The following CDH13 variants were observed in gnomAD, a reference collection of about 807,000 sequenced individuals.
CDH13 encodes cadherin 13.
In CDH13, 24 loss-of-function variants were observed where a neutral mutation model predicts 63.8. The ratio of observed to expected loss-of-function variants is 0.38; its 90% CI spans 0.27 to 0.53. The LOEUF is 0.53. CDH13 is among the 20% of genes least tolerant of loss of function. The probability of loss-of-function intolerance (pLI) is 0.85; values close to 1 mark genes in which losing one functional copy is unlikely to be tolerated. For missense variants in CDH13, 1,049 were observed against 903.1 expected (o/e 1.16, Z -2.07); for synonymous variants, 503 against 355.3 (o/e 1.42, Z -4.67).
At chr16:83,097,422 T>A (rs527242917) in intron 3 of CDH13, among the ~76,000 whole-genome samples, 1 of 152,220 alleles carries the variant, frequency 6.6e-6, no homozygotes. Context: ...AATAAAACTT[T>A]GTAATTGGTA....
chr16:83,106,062 G>C (rs1423501652), intron 3 of CDH13, among the ~76,000 whole-genome samples: 1 of 152,166 alleles, frequency 6.6e-6, no homozygotes, highest in African/African-American at 2.4e-5. Context: ...CCACTGGTGG[G>C]TTATTTGTCA....
intron 3 of CDH13, among the ~76,000 whole-genome samples, chr16:83,095,757 G>A (rs995286608): frequency 6.6e-6 from 1 of 152,128 alleles, no homozygotes; most frequent in Non-Finnish European, 1.5e-5. Context: ...AGTTTTTAAT[G>A]AGCAGTATGT....
intron 1 of CDH13, among the ~76,000 whole-genome samples, chr16:82,800,154 C>G (rs1012529381): frequency 6.6e-6 from 1 of 152,086 alleles, no homozygotes; most frequent in Non-Finnish European, 1.5e-5. Flanking sequence ...TTAAAGGTTA[C>G]TTTTCCTTTA....
chr16:82,955,774 G>A lies in CDH13; in HGVS notation c.158-76236G>A, dbSNP rs551138848. Among the ~76,000 whole-genome samples the A allele has an allele frequency of 1.2e-4, 18 of 152,272 alleles. No individual in the cohort carries two copies. The Middle Eastern group carries it at 0.017, about 144-fold the overall frequency. On this transcript the variant is annotated intron_variant, in intron 2 of 13. Coordinates refer to ENST00000567109, the MANE Select transcript of CDH13 (RefSeq NM_001257.5). ...TCATTGCAAGCAGCTACTGCATTCCGATTATTCACCCTGAATCTAAGGCAA... is the reference window on the plus strand; with the variant it reads ...TCATTGCAAGCAGCTACTGCATTCCAATTATTCACCCTGAATCTAAGGCAA...
At chr16:83,742,815 A>G (rs937218612) in intron 10 of CDH13, among the ~76,000 whole-genome samples, 2 of 152,180 alleles carry the variant, frequency 1.3e-5, no homozygotes, top group Non-Finnish European at 2.9e-5. Context: ...CTCTGTCTGC[A>G]GGTGTGTTTC....
chr16:83,644,340 T>C (rs916573539), intron 8 of CDH13, among the ~76,000 whole-genome samples: 2 of 152,238 alleles, frequency 1.3e-5, no homozygotes, highest in African/African-American at 2.4e-5. Context: ...GTTTTATAGA[T>C]GTCCCACCAT....
intron 2 of CDH13, among the ~76,000 whole-genome samples, chr16:83,026,944 A>G (rs149776495): frequency 0.011 from 1,639 of 152,250 alleles, 25 homozygotes; most frequent in African/African-American, 0.034. Flanking sequence ...CTAAATGGAT[A>G]CACACGGGGT....
intron 1 of CDH13, among the ~76,000 whole-genome samples, chr16:82,833,020 A>G (rs1360088786): frequency 1.3e-5 from 2 of 152,194 alleles, no homozygotes; most frequent in African/African-American, 4.8e-5. Flanking sequence ...AAAATATGCC[A>G]CAAAATTCCC....
intron 1 of CDH13, among the ~76,000 whole-genome samples, chr16:82,793,917 T>G (rs940569819): frequency 2.6e-5 from 4 of 151,940 alleles, no homozygotes; most frequent in African/African-American, 4.8e-5. Context: ...TGGATTTAAG[T>G]AAGTGAGACA....
At chr16:83,055,597 T>C (rs1013905444) in intron 3 of CDH13, among the ~76,000 whole-genome samples, 5 of 152,046 alleles carry the variant, frequency 3.3e-5, no homozygotes, top group Non-Finnish European at 7.4e-5. Context: ...GTTCTACATT[T>C]ATTAAATGAA....
At chr16:82,643,800 T>C (rs1325546783) in intron 1 of CDH13, among the ~76,000 whole-genome samples, 1 of 152,130 alleles carries the variant, frequency 6.6e-6, no homozygotes, top group East Asian at 1.9e-4. Context: ...TGGATTGCAG[T>C]GGTGCAATCA....
intron 6 of CDH13, among the ~76,000 whole-genome samples, chr16:83,350,217 G>C (rs991924848): frequency 6.6e-6 from 1 of 152,124 alleles, no homozygotes; most frequent in Admixed American, 6.5e-5. Context: ...GGTTGTGTTC[G>C]CTCTCCTGGC....
intron 2 of CDH13, among the ~76,000 whole-genome samples, chr16:82,867,975 A>G (rs1416779305): frequency 1.3e-5 from 2 of 152,228 alleles, no homozygotes; most frequent in South Asian, 2.1e-4. Context: ...AAAAATAACA[A>G]TGATAATTCT....
Position 82,904,878 on chromosome 16 carries a change from A to G in CDH13, c.157+46405A>G, listed in dbSNP as rs1263685239. On this transcript the variant is annotated intron_variant, in intron 2 of 13. Coordinates refer to ENST00000567109, the MANE Select transcript of CDH13 (RefSeq NM_001257.5). ...AACTAAATGAACCTAGGTTTGTCCC[A>G]TGGAGTGCAGTTTCTCCCTAAATGA... Among the ~76,000 whole-genome samples, 6 of 150,638 alleles carry G rather than the reference A, an allele frequency of 4.0e-5. No individual in the cohort carries two copies. In the South Asian group the frequency reaches 6.2e-4, roughly 16 times the overall value.
At position 83,006,904 on chromosome 16, in the gene CDH13, TTTTG is replaced by T. The variant is rs977914662; in HGVS notation, c.158-25078_158-25075del. ...CTTCAAAACACCCAGTTTTGATTTT[TTTTG>T]TTTGTTTGTTTGTTTGTTTGTTTGT... On this transcript the variant is annotated intron_variant, in intron 2 of 13. Coordinates refer to ENST00000567109, the MANE Select transcript of CDH13 (RefSeq NM_001257.5). Among the ~76,000 whole-genome samples, 160 of 142,130 alleles carry T rather than the reference TTTTG, an allele frequency of 1.1e-3. 5 individuals carry two copies. Among genetic ancestry groups the T allele is most frequent in the South Asian group, 4.2e-3 (19 of 4,540 alleles). 93.2% of individuals were successfully genotyped at this position (142,130 alleles called of 152,430 possible).
chr16:83,104,738 G>T (rs953824796), intron 3 of CDH13, among the ~76,000 whole-genome samples: 5 of 152,130 alleles, frequency 3.3e-5, no homozygotes, highest in African/African-American at 1.2e-4. Context: ...TTGAACAAAG[G>T]GGGCAATTGA....
At chr16:83,173,050 C>G (rs1272000311) in intron 4 of CDH13, among the ~76,000 whole-genome samples, 4 of 152,098 alleles carry the variant, frequency 2.6e-5, no homozygotes, top group African/African-American at 9.7e-5. Flanking sequence ...AGGTACTTGG[C>G]ACTAATGTGA....
chr16:83,661,558 A>G (rs925049682), intron 8 of CDH13, among the ~76,000 whole-genome samples: 1 of 151,806 alleles, frequency 6.6e-6, no homozygotes, highest in Non-Finnish European at 1.5e-5. Context: ...TTTTCCTGTC[A>G]GTCTTCAGTG....
chr16:83,328,758 C>T (rs1265652099), intron 5 of CDH13, among the ~76,000 whole-genome samples: 1 of 152,132 alleles, frequency 6.6e-6, no homozygotes, highest in Non-Finnish European at 1.5e-5. Context: ...GCTTCTTTGA[C>T]TCAGGCATTG....
Sources: allele counts gnomAD v4.1 joint callset (sites outside exome capture counted in the v4.1 genomes callset), GRCh38; gene constraint gnomAD v4.1.1; transcripts MANE v1.5; gene names NCBI Gene and HGNC (gene_info 2026-07-23, HGNC 2026-07-21).